The following ANXA3 variants were observed in gnomAD, a reference collection of about 807,000 sequenced individuals.
ANXA3 encodes the protein annexin A3, also known as 35-alpha calcimedin.
A neutral mutation model predicts 48.8 loss-of-function variants in ANXA3; 46 were observed. That is an observed-to-expected ratio of 0.94 (90% CI 0.74 to 1.21). The LOEUF (loss-of-function observed/expected upper bound fraction) is 1.21. ANXA3 is among the 50% of genes most tolerant of loss of function. ANXA3 has a pLI of 0.00. For synonymous variants in ANXA3, 128 were observed against 134.7 expected, an observed-to-expected ratio of 0.95 and a Z score of 0.35; for missense variants, 383 against 378.6, an observed-to-expected ratio of 1.01 and a Z score of -0.10.
chr4:78,578,062 T>G (rs990224048), intron 3 of ANXA3, among the ~76,000 whole-genome samples: 2 of 151,702 alleles, frequency 1.3e-5, no homozygotes, highest in Non-Finnish European at 2.9e-5. Flanking sequence ...GTGGATCACC[T>G]GAGGTCAGGA....
rs1723175060 is a variant in ANXA3 at position 78,586,287 on chromosome 4, A to T, written c.340A>T (p.Ile114Phe). The change falls in exon 6 of 13, where the codon ATT (isoleucine) becomes TTT (phenylalanine). Residue 114 changes from isoleucine (I) to phenylalanine (F), a missense_variant. Transcript: ENST00000264908. ...KGAGTNEDAL[I>F]EILTTRTSRQ... is the part of the protein sequence containing the mutation. ...CGCGGGAACAAACGAAGATGCCTTG[A>T]TTGAAATCTTAACTACCAGGACAAG... 4 of 1,613,768 alleles carry T rather than the reference A, an allele frequency of 2.5e-6. No homozygotes were observed. Among genetic ancestry groups the T allele is most frequent in the Non-Finnish European group, 3.4e-6 (4 of 1,179,812 alleles).
intron 12 of ANXA3, among the ~76,000 whole-genome samples, chr4:78,606,214 G>GCACTAGAGAGTATTGGAC (rs1339170650): frequency 1.3e-5 from 2 of 152,222 alleles, no homozygotes; most frequent in African/African-American, 2.4e-5. Flanking sequence ...GAGGAAATCA[G>GCACTAGAGAGTATTGGAC]CACTAGAGAG....
chr4:78,553,496 G>A (rs866834674), intron 1 of ANXA3, among the ~76,000 whole-genome samples: 4 of 152,280 alleles, frequency 2.6e-5, no homozygotes, highest in African/African-American at 7.2e-5. Context: ...GCTTTAAGAG[G>A]CAAAATGAGA....
rs2109937482 is a variant in ANXA3, at chr4:78,582,178, A to T, written c.200A>T (p.Glu67Val). 1 of 1,597,170 alleles carries T rather than the reference A, an allele frequency of 6.3e-7. No homozygotes were observed. Among genetic ancestry groups the T allele is most frequent in the East Asian group, 2.2e-5 (1 of 44,626 alleles). Residue 67 changes from glutamate to valine, a missense_variant and splice_region_variant, in exon 5 of 13, where the codon GAG becomes GTG. Transcript: ENST00000264908. Reference protein sequence around the residue: ...VKEYQAAYGKELKDDLKGDLS... With the variant: ...VKEYQAAYGKVLKDDLKGDLS... The stretch of plus-strand genomic sequence containing the variant: ...TTCCCCTTGGTTTTTTGATTTTAGG[A>T]GCTGAAAGATGACTTGAAGGGTGAT...
chr4:78,566,944 A>AT (rs1450424792), intron 2 of ANXA3, among the ~76,000 whole-genome samples: 2 of 152,234 alleles, frequency 1.3e-5, no homozygotes, highest in Non-Finnish European at 2.9e-5. Flanking sequence ...TCAGCCTGGC[A>AT]TATCTCAGGG....
chr4:78,553,413 G>A (rs1346978996), intron 1 of ANXA3, among the ~76,000 whole-genome samples: 4 of 152,094 alleles, frequency 2.6e-5, no homozygotes, highest in African/African-American at 7.2e-5. Context: ...AACTGACCTC[G>A]TTCAATGCTG....
chr4:78,605,984 T>A (rs539586005), intron 12 of ANXA3, among the ~76,000 whole-genome samples: 2 of 152,198 alleles, frequency 1.3e-5, no homozygotes, highest in African/African-American at 4.8e-5. Context: ...AGACCACATA[T>A]GAAAGTCTCT....
intron 7 of ANXA3, among the ~76,000 whole-genome samples, chr4:78,594,399 C>T (rs957644646): frequency 6.6e-6 from 1 of 152,060 alleles, no homozygotes; most frequent in Non-Finnish European, 1.5e-5. Context: ...AGTTAAATAG[C>T]GAGGGGTGCA....
chr4:78,568,233 T>G (rs888223239), intron 2 of ANXA3, among the ~76,000 whole-genome samples: 2 of 152,214 alleles, frequency 1.3e-5, no homozygotes, highest in Admixed American at 6.5e-5. Context: ...ACAGTAAACT[T>G]TCTTTGGTTT....
At chr4:78,583,795 G>A (rs1425741612) in intron 5 of ANXA3, among the ~76,000 whole-genome samples, 1 of 152,174 alleles carries the variant, frequency 6.6e-6, no homozygotes, top group East Asian at 1.9e-4. Context: ...CTTGCCTCTG[G>A]TCTTAAGGCG....
chr4:78,552,150 C>G (rs1722402145), intron 1 of ANXA3: 1 of 152,470 alleles, frequency 6.6e-6, no homozygotes, highest in East Asian at 1.9e-4. Context: ...TGATACTCAG[C>G]TGTCCTCGCT....
intron 1 of ANXA3, among the ~76,000 whole-genome samples, chr4:78,552,823 T>A: frequency 6.6e-6 from 1 of 152,208 alleles, no homozygotes; most frequent in Non-Finnish European, 1.5e-5. Flanking sequence ...GACGGAAAAC[T>A]TCAGACTGAC....
chr4:78,564,991 A>ATT (rs55971305), intron 2 of ANXA3, among the ~76,000 whole-genome samples: 15 of 118,316 alleles, frequency 1.3e-4, no homozygotes, highest in African/African-American at 1.2e-4. Context: ...TCTGACTTAG[A>ATT]TTTTTTTTTT....
chr4:78,561,841 CT>C (rs1441856835), intron 2 of ANXA3, among the ~76,000 whole-genome samples: 1 of 152,160 alleles, frequency 6.6e-6, no homozygotes, highest in Non-Finnish European at 1.5e-5. Flanking sequence ...CACAAATGGT[CT>C]TTTGCAGAAA....
chr4:78,605,807 C>A (rs1030135230), intron 12 of ANXA3, among the ~76,000 whole-genome samples: 12 of 152,158 alleles, frequency 7.9e-5, no homozygotes, highest in African/African-American at 2.7e-4. Context: ...ATTAATAGGG[C>A]AGTAAGCCTG....
intron 12 of ANXA3, 28 bp downstream of exon 12, chr4:78,604,427 CAT>C (rs1363840845): frequency 6.3e-7 from 1 of 1,576,136 alleles, no homozygotes; most frequent in East Asian, 2.2e-5. Context: ...AATAGCAAAA[CAT>C]ATTTTGCCCT....
At chr4:78,600,900 T>C (rs1723521156) in intron 10 of ANXA3, among the ~76,000 whole-genome samples, 1 of 152,192 alleles carries the variant, frequency 6.6e-6, no homozygotes. Flanking sequence ...ATTTCTGCTT[T>C]ACTTGTTATT....
At position 78,595,376 on chromosome 4, in the gene ANXA3, T is replaced by C; in HGVS notation, c.484-5T>C. The C allele has an allele frequency of 6.2e-7, 1 of 1,613,966 alleles. No homozygotes were observed. The highest frequency in any genetic ancestry group is 8.5e-7 in the Non-Finnish European group (1 of 1,179,902). ...GATGGCCCTTGTTTTCGTCCTCCTG[T>C]TTAGGGCAGAAGAGATGAAAGTCTG... is the stretch of plus-strand genomic sequence containing the variant. On this transcript the variant is annotated splice_region_variant and splice_polypyrimidine_tract_variant and intron_variant, in intron 7 of 12. Transcript: ENST00000264908.
At position 78,604,384 on chromosome 4, in the gene ANXA3, A is replaced by G. The variant is rs1387371243; in HGVS notation, c.897A>G (p.Leu299=). 1.2e-6 allele frequency: 2 copies of G among 1,610,866 alleles called. No individual in the cohort carries two copies. The highest frequency in any genetic ancestry group is 1.7e-5 in the Admixed American group (1 of 59,698). The part of the protein sequence containing the change: ...TEFKKHYGYS[L]YSAIKSDTSG... The stretch of plus-strand genomic sequence containing the variant: ...TCAAGAAGCATTATGGCTATTCCCT[A>G]TATTCAGCAATTAAAGTAAGTCTAC... The change falls in exon 12 of 13, where the codon CTA becomes CTG. Residue 299 remains leucine, a synonymous_variant. Coordinates refer to ENST00000264908, the MANE Select transcript of ANXA3 (RefSeq NM_005139.3).
Sources: gnomAD v4.1 joint callset for allele counts (sites outside exome capture counted in the v4.1 genomes callset) on GRCh38, gnomAD v4.1.1 for gene constraint, MANE v1.5 for transcripts, NCBI Gene and HGNC (gene_info 2026-07-23, HGNC 2026-07-21) for gene names.